The following ENTHD1 variants were observed in gnomAD, a reference collection of about 807,000 sequenced individuals.
ENTHD1 encodes the protein ENTH domain-containing protein 1.
In ENTHD1, 23 loss-of-function variants were observed where a neutral mutation model predicts 39.1. That is an observed-to-expected ratio of 0.59 (90% confidence interval 0.42 to 0.83). The LOEUF (loss-of-function observed/expected upper bound fraction) is 0.83, where lower values mean the gene tolerates loss of function less well. Among genes scored for constraint, ENTHD1 ranks in the 40% least tolerant of loss-of-function variants. The pLI, the probability that ENTHD1 is intolerant of heterozygous loss-of-function variation, is 0.00. For missense variants in ENTHD1, 624 were observed against 705.4 expected (o/e 0.88, Z 1.31); for synonymous variants, 230 against 258.2 (o/e 0.89, Z 1.05).
intron 5 of ENTHD1, among the ~76,000 whole-genome samples, chr22:39,782,802 A>G (rs1012099600): frequency 2.6e-5 from 4 of 152,184 alleles, no homozygotes; most frequent in Non-Finnish European, 4.4e-5. Context: ...GGCCATATAT[A>G]AGAAACCCAC....
intron 5 of ENTHD1, among the ~76,000 whole-genome samples, chr22:39,797,587 C>CA (rs1392908416): frequency 3.3e-5 from 5 of 152,050 alleles, no homozygotes; most frequent in African/African-American, 9.7e-5. Flanking sequence ...ATTTTGCTTC[C>CA]AGGTGTAGGA....
intron 2 of ENTHD1, among the ~76,000 whole-genome samples, chr22:39,872,417 G>A (rs754329185): frequency 3.3e-5 from 5 of 151,916 alleles, no homozygotes; most frequent in South Asian, 2.1e-4. Context: ...TAGGGTTCCC[G>A]CTTTGTCTAA....
At chr22:39,823,217 C>T (rs1490496197) in intron 4 of ENTHD1, among the ~76,000 whole-genome samples, 2 of 152,002 alleles carry the variant, frequency 1.3e-5, no homozygotes, top group Non-Finnish European at 2.9e-5. Flanking sequence ...CTTTTCATTG[C>T]GAGTAGTACC....
At chr22:39,755,154 A>C (rs1389234163) in intron 6 of ENTHD1, among the ~76,000 whole-genome samples, 1 of 152,234 alleles carries the variant, frequency 6.6e-6, no homozygotes, top group Non-Finnish European at 1.5e-5. Context: ...AGAAATATTA[A>C]TATATTAAAT....
At chr22:39,865,747 TAC>T (rs1178858188) in intron 2 of ENTHD1, among the ~76,000 whole-genome samples, 2 of 152,192 alleles carry the variant, frequency 1.3e-5, no homozygotes, top group African/African-American at 4.8e-5. Flanking sequence ...TAAAGCTATA[TAC>T]AGTTTTAATT....
chr22:39,762,813 T>C (rs939180014), intron 6 of ENTHD1, among the ~76,000 whole-genome samples: 2 of 152,182 alleles, frequency 1.3e-5, no homozygotes, highest in Admixed American at 6.5e-5. Flanking sequence ...TCCTGTCTTC[T>C]TGATCATATT....
rs2065082889 is a variant in ENTHD1, at chr22:39,744,008, C to G, written c.1495G>C (p.Asp499His). Residue 499 changes from aspartate to histidine, a missense_variant, in exon 7 of 7, where the codon GAT becomes CAT. Coordinates refer to ENST00000325157, the MANE Select transcript of ENTHD1 (RefSeq NM_152512.4). ...NLLGILPNNS[D>H]SAKKNISHIS... is the part of the protein sequence containing the mutation. ...TGACTTATATTCTTTTTAGCAGAAT[C>G]AGAGTTATTTGGAAGAATTCCCAGT... 1.2e-6 allele frequency: 2 copies of G among 1,614,018 alleles called. No homozygotes were observed. Among genetic ancestry groups the G allele is most frequent in the African/African-American group, 1.3e-5 (1 of 74,918 alleles).
intron 3 of ENTHD1, among the ~76,000 whole-genome samples, chr22:39,852,864 G>A (rs1461217818): frequency 6.6e-6 from 1 of 152,122 alleles, no homozygotes; most frequent in East Asian, 1.9e-4. Flanking sequence ...GTTTAGGGTG[G>A]TACAGATACA....
chr22:39,759,544 A>G (rs549821019), intron 6 of ENTHD1, among the ~76,000 whole-genome samples: 3 of 152,180 alleles, frequency 2.0e-5, no homozygotes, highest in African/African-American at 4.8e-5. Flanking sequence ...TAACCTTTTT[A>G]AAGAGCCACC....
chr22:39,779,553 A>G (rs2065391683), intron 5 of ENTHD1, among the ~76,000 whole-genome samples: 1 of 149,330 alleles, frequency 6.7e-6, no homozygotes, highest in Non-Finnish European at 1.5e-5. Flanking sequence ...CAGTAACATG[A>G]AAGAAAAAAA....
In ENTHD1 at chr22:39,765,210, T is replaced by C; in HGVS notation, c.1219+13A>G. 1.3e-6 allele frequency: 2 copies of C among 1,491,126 alleles called. No homozygotes were observed. The highest frequency in any genetic ancestry group is 1.8e-6 in the Non-Finnish European group (2 of 1,112,896). 92.4% of individuals were successfully genotyped at this position (1,491,126 alleles called of 1,614,324 possible). A position where few individuals can be genotyped will look rare whatever the true frequency, so the allele number is the denominator to read the frequency against. On this transcript the variant is annotated intron_variant, in intron 6 of 6. Coordinates refer to ENST00000325157, the MANE Select transcript of ENTHD1 (RefSeq NM_152512.4). ...TGTGTGTGTGTGTGTGTGTGTGTGT[T>C]TGGCAGACTCACCCCGTGTGGTTGT...
chr22:39,810,127 G>C (rs2065674085), intron 5 of ENTHD1, among the ~76,000 whole-genome samples: 1 of 152,140 alleles, frequency 6.6e-6, no homozygotes, highest in South Asian at 2.1e-4. Context: ...CTTTGAGAAT[G>C]AATCCTGCAA....
At chr22:39,819,616 G>T (rs992288810) in intron 5 of ENTHD1, among the ~76,000 whole-genome samples, 1 of 152,068 alleles carries the variant, frequency 6.6e-6, no homozygotes, top group Non-Finnish European at 1.5e-5. Flanking sequence ...GAGCACAGAG[G>T]ATTTTTAGGG....
intron 6 of ENTHD1, among the ~76,000 whole-genome samples, chr22:39,755,289 T>C (rs2065176492): frequency 6.6e-6 from 1 of 152,150 alleles, no homozygotes; most frequent in African/African-American, 2.4e-5. Flanking sequence ...AAAGAAGTGA[T>C]ATTCGAGCTG....
intron 1 of ENTHD1, among the ~76,000 whole-genome samples, chr22:39,888,433 A>G (rs2066401198): frequency 7.0e-6 from 1 of 143,316 alleles, no homozygotes; most frequent in Admixed American, 6.9e-5. Context: ...ATGCCTGGCT[A>G]TTTTTTTTTT....
At chr22:39,778,089 T>C (rs914934088) in intron 5 of ENTHD1, among the ~76,000 whole-genome samples, 2 of 152,208 alleles carry the variant, frequency 1.3e-5, no homozygotes, top group African/African-American at 2.4e-5. Flanking sequence ...GAGGTTTAAT[T>C]CTGACGTGAA....
chr22:39,802,924 T>G (rs1445714216), intron 5 of ENTHD1, among the ~76,000 whole-genome samples: 1 of 152,220 alleles, frequency 6.6e-6, no homozygotes, highest in Non-Finnish European at 1.5e-5. Flanking sequence ...GCCCACTTTC[T>G]TCCATTGCCA....
intron 2 of ENTHD1, among the ~76,000 whole-genome samples, chr22:39,869,375 T>C (rs2146740106): frequency 6.6e-6 from 1 of 152,200 alleles, no homozygotes; most frequent in South Asian, 2.1e-4. Context: ...GAAAACCAAA[T>C]ACTGGATGTT....
At chr22:39,760,055 GT>G (rs1253830568) in intron 6 of ENTHD1, among the ~76,000 whole-genome samples, 4 of 151,398 alleles carry the variant, frequency 2.6e-5, no homozygotes, top group African/African-American at 9.7e-5. Context: ...CTTGGTGAAT[GT>G]TCATTTTGCA....
Sources: allele counts gnomAD v4.1 joint callset (sites outside exome capture counted in the v4.1 genomes callset), GRCh38; gene constraint gnomAD v4.1.1; transcripts MANE v1.5; gene names NCBI Gene and HGNC (gene_info 2026-07-23, HGNC 2026-07-21).